The following CARD14 variants were observed in gnomAD, a reference collection of about 807,000 sequenced individuals.
The protein encoded by CARD14 is caspase recruitment domain-containing protein 14.
CARD14 carries 107 observed loss-of-function variants against 111.5 expected under a neutral mutation model. That is an observed-to-expected ratio of 0.96 (90% CI 0.82 to 1.13). CARD14 has a LOEUF of 1.13. Among genes scored for constraint, CARD14 ranks in the 50% most tolerant of loss-of-function variants. The pLI, the probability that CARD14 is intolerant of heterozygous loss-of-function variation, is 0.00. For synonymous variants in CARD14, 617 were observed against 579.6 expected (o/e 1.06, Z -0.93); for missense variants, 1,322 against 1,362.3 (o/e 0.97, Z 0.47).
Position 80,178,557 on chromosome 17 carries a change from G to C in CARD14, c.-317G>C, listed in dbSNP as rs1352041041. The C allele has an allele frequency of 6.6e-6, 1 of 152,302 alleles. No individual in the cohort carries two copies. The highest frequency in any genetic ancestry group is 1.5e-5 in the Non-Finnish European group (1 of 68,136). The allele number at this position is 152,302 out of a possible 1,614,324, so 9.4% of individuals were successfully genotyped here. On this transcript the variant is annotated 5_prime_UTR_variant, in exon 3 of 24. Transcript: ENST00000648509. ...CCCACCCAGCAGCCCGCAGAGAAAG[G>C]AGGCAGCTGGCACCACACTGGGCTT... is the stretch of plus-strand genomic sequence containing the variant.
In CARD14 at chr17:80,188,241, G is replaced by T; in HGVS notation, c.676-136G>T. 1.1e-6 allele frequency: 1 copy of T among 888,998 alleles called. No individual in the cohort carries two copies. Among genetic ancestry groups the T allele is most frequent in the Non-Finnish European group, 1.6e-6 (1 of 622,142 alleles). The allele number at this position is 888,998 out of a possible 1,614,324, so 55.1% of individuals were successfully genotyped here. On this transcript the variant is annotated intron_variant, in intron 7 of 23. Coordinates refer to ENST00000648509, the MANE Select transcript of CARD14 (RefSeq NM_001366385.1). The surrounding 1 kb of genome is among the most constrained non-coding windows in gnomAD (Gnocchi z 4.5). ...TATTCATTAGGTGAACCCTTTCGTG[G>T]GTTTTTCAGTCTCGAGGCAGGAAGC... is the stretch of plus-strand genomic sequence containing the variant.
chr17:80,203,885 G>T lies in CARD14; in HGVS notation c.2283G>T (p.Lys761Asn). Residue 761 changes from lysine (K) to asparagine (N), a missense_variant and splice_region_variant, in exon 19 of 24, where the codon AAG (lysine) becomes AAT (asparagine). By Grantham distance (94) the Lys-to-Asn change is moderately conservative (BLOSUM62 0). Transcript: ENST00000648509. The surrounding 1 kb of genome is among the most constrained non-coding windows in gnomAD (Gnocchi z 4.6). ...DMTQQCTVTR[K>N]PSSGGPQKLV... ...CTCAGCAGTGCACCGTGACCCGCAA[G>T]GTGAGGCTCCAGGGAGGGGCCTGGA... 1 of 1,594,876 alleles carries T rather than the reference G, an allele frequency of 6.3e-7. No homozygotes were observed. The highest frequency in any genetic ancestry group is 8.5e-7 in the Non-Finnish European group (1 of 1,171,504).
chr17:80,174,071 C>G (rs2039970118), intron 2 of CARD14, among the ~76,000 whole-genome samples: 2 of 152,106 alleles, frequency 1.3e-5, no homozygotes, highest in Non-Finnish European at 2.9e-5. Context: ...GGTTTGGTGG[C>G]TCAGACCTGT....
At position 80,188,590 on chromosome 17, in the gene CARD14, G is replaced by A. The variant is rs750958441; in HGVS notation, c.843+46G>A. 2.1e-6 allele frequency: 3 copies of A among 1,411,512 alleles called. No homozygotes were observed. Among genetic ancestry groups the A allele is most frequent in the East Asian group, 2.7e-5 (1 of 37,026 alleles). The allele number at this position is 1,411,512 out of a possible 1,614,324, so 87.4% of individuals were successfully genotyped here. ...CAGAGAGCGGCCTCCTGCCTTGGGG[G>A]CTTGGCCCTCAGGCTGTGGGGTTTC... On this transcript the variant is annotated intron_variant, in intron 8 of 23. Coordinates refer to ENST00000648509, the MANE Select transcript of CARD14 (RefSeq NM_001366385.1). This position sits in a 1 kb window ranked among gnomAD's most constrained non-coding sequence, Gnocchi z 4.5.
intron 4 of CARD14, among the ~76,000 whole-genome samples, 200 bp from the exon 5 acceptor site, chr17:80,181,219 T>TA (rs2040163054): frequency 1.3e-5 from 2 of 152,102 alleles, no homozygotes; most frequent in African/African-American, 2.4e-5. Context: ...CACTCAACCT[T>TA]ACACAGAGGG....
intron 23 of CARD14, 150 bp downstream of exon 23, chr17:80,207,235 C>T (rs527551322): frequency 1.7e-5 from 10 of 589,950 alleles, no homozygotes; most frequent in South Asian, 1.4e-4. Flanking sequence ...GGGACAAGGG[C>T]CCCGCTGATT....
rs1379923295 is a variant in CARD14 at position 80,203,942 on chromosome 17, G to A, written c.2283+57G>A. ...TGGGGTGGGCTGGAAGAGGGGCTCGGTGCTGGCAGGGTGGCAGGAGGCACT... is the reference window on the plus strand; with the variant it reads ...TGGGGTGGGCTGGAAGAGGGGCTCGATGCTGGCAGGGTGGCAGGAGGCACT... On this transcript the variant is annotated intron_variant, in intron 19 of 23. Coordinates refer to ENST00000648509, the MANE Select transcript of CARD14 (RefSeq NM_001366385.1). The surrounding 1 kb of genome is among the most constrained non-coding windows in gnomAD (Gnocchi z 4.6). 1.2e-5 allele frequency: 17 copies of A among 1,406,722 alleles called. No homozygotes were observed. In the Admixed American group the frequency reaches 3.5e-4, roughly 29 times the overall value. The allele number at this position is 1,406,722 out of a possible 1,614,324, so 87.1% of individuals were successfully genotyped here.
rs1018464417 is a variant in CARD14, at chr17:80,184,291, C to G, written c.675+53C>G. On this transcript the variant is annotated intron_variant, in intron 7 of 23. Transcript: ENST00000648509. The stretch of plus-strand genomic sequence containing the variant: ...GACCCTGCTGTCGTCTGCCCCCAGG[C>G]CTTTGTACTAGCTGGTCCATCTCCC... The G allele has an allele frequency of 3.6e-6, 5 of 1,396,810 alleles. No individual in the cohort carries two copies. In the African/African-American group the frequency reaches 5.8e-5, roughly 16 times the overall value. 86.5% of individuals were successfully genotyped at this position (1,396,810 alleles called of 1,614,324 possible).
intron 2 of CARD14, among the ~76,000 whole-genome samples, chr17:80,178,025 A>G (rs1438341278): frequency 6.6e-6 from 1 of 152,172 alleles, no homozygotes; most frequent in African/African-American, 2.4e-5. Flanking sequence ...CGCAAGCCTC[A>G]ATCACCTGTT....
rs1454961374 is a variant in CARD14, at chr17:80,195,145, G to C, written c.1357-46G>C. ...TGGGGGAGCAAGGGAGGAGTCTCAG[G>C]GTGTCCTCGTGCGTGCCCCACTGAC... On this transcript the variant is annotated intron_variant, in intron 12 of 23. Coordinates refer to ENST00000648509, the MANE Select transcript of CARD14 (RefSeq NM_001366385.1). This position sits in a 1 kb window ranked among gnomAD's most constrained non-coding sequence, Gnocchi z 4.7. The C allele has an allele frequency of 1.9e-6, 3 of 1,556,224 alleles. No individual in the cohort carries two copies.
At chr17:80,187,764 C>G in intron 7 of CARD14, 7 of 985,484 alleles carry the variant, frequency 7.1e-6, no homozygotes, top group Non-Finnish European at 7.2e-6. Context: ...AGAGGGCGGG[C>G]CCGTGGCTCG....
chr17:80,205,256 C>T (rs544242081), intron 21 of CARD14, 51 bp downstream of exon 21: 3 of 1,488,990 alleles, frequency 2.0e-6, no homozygotes, highest in Admixed American at 3.6e-5. Context: ...CCCTCCCTCC[C>T]TCCTCCCCTT....
In CARD14 at chr17:80,203,933, A is replaced by C; in HGVS notation, c.2283+48A>C. 2.7e-6 allele frequency: 4 copies of C among 1,473,980 alleles called. No homozygotes were observed. The highest frequency in any genetic ancestry group is 3.7e-6 in the Non-Finnish European group (4 of 1,079,104). The allele number at this position is 1,473,980 out of a possible 1,614,324, so 91.3% of individuals were successfully genotyped here. ...GGACCCCACTGGGGTGGGCTGGAAG[A>C]GGGGCTCGGTGCTGGCAGGGTGGCA... On this transcript the variant is annotated intron_variant, in intron 19 of 23. Transcript: ENST00000648509. This position sits in a 1 kb window ranked among gnomAD's most constrained non-coding sequence, Gnocchi z 4.6.
chr17:80,180,400 G>A (rs1243118117), intron 4 of CARD14, among the ~76,000 whole-genome samples: 3 of 152,082 alleles, frequency 2.0e-5, no homozygotes, highest in Admixed American at 6.6e-5. Flanking sequence ...CACACCCCCC[G>A]CAGCCGAGCC....
intron 11 of CARD14, chr17:80,192,278 G>A: frequency 2.1e-6 from 1 of 468,798 alleles, no homozygotes; most frequent in East Asian, 3.5e-5. Context: ...TAAAAGAAAT[G>A]AAATGCTGTG....
chr17:80,180,885 C>T (rs1190584795), intron 4 of CARD14, among the ~76,000 whole-genome samples: 2 of 152,120 alleles, frequency 1.3e-5, no homozygotes, highest in Non-Finnish European at 2.9e-5. Context: ...GCCTCAGCCT[C>T]CTAAGTAGCT....
chr17:80,207,566 A>G (rs985181407), intron 23 of CARD14: 6 of 155,916 alleles, frequency 3.8e-5, no homozygotes, highest in Non-Finnish European at 7.1e-5. Context: ...CAAAACAACA[A>G]CAACAACAAC....
intron 2 of CARD14, among the ~76,000 whole-genome samples, chr17:80,174,830 C>G (rs1051390166): frequency 2.6e-5 from 4 of 152,172 alleles, no homozygotes; most frequent in Non-Finnish European, 5.9e-5. Context: ...CTAGACTTCT[C>G]TTCAGCTGCC....
At chr17:80,193,039 C>T (rs368164461) in intron 12 of CARD14, among the ~76,000 whole-genome samples, 66 of 152,168 alleles carry the variant, frequency 4.3e-4, no homozygotes, top group Non-Finnish European at 6.6e-4. Context: ...CATGAGCCAC[C>T]GCACCTGGCC....
Sources: allele counts gnomAD v4.1 joint callset (sites outside exome capture counted in the v4.1 genomes callset), GRCh38; gene constraint gnomAD v4.1.1; non-coding constraint Gnocchi (gnomAD v3.1); transcripts MANE v1.5; gene names NCBI Gene and HGNC (gene_info 2026-07-23, HGNC 2026-07-21).